Variants in CADM1 observed in about 807,000 individuals in gnomAD.
The protein encoded by CADM1 is cell adhesion molecule 1, also known as TSLC-1.
In CADM1, 15 loss-of-function variants were observed where a neutral mutation model predicts 53.1. The observed-to-expected ratio is 0.28, with a 90% CI of 0.19 to 0.44. The LOEUF is 0.44. Among genes scored for constraint, CADM1 ranks in the 20% least tolerant of loss-of-function variants. CADM1 has a pLI of 1.00. For synonymous variants in CADM1, 281 were observed against 243.0 expected (o/e 1.16, Z -1.45); for missense variants, 434 against 611.3 (o/e 0.71, Z 3.06).
intron 1 of CADM1, among the ~76,000 whole-genome samples, chr11:115,300,732 G>A (rs982286913): frequency 3.9e-5 from 6 of 152,016 alleles, no homozygotes; most frequent in African/African-American, 1.4e-4. Flanking sequence ...ACAAGAAAAC[G>A]AGCACATGGA....
chr11:115,366,592 A>T (rs1439987181), intron 1 of CADM1, among the ~76,000 whole-genome samples: 1 of 152,226 alleles, frequency 6.6e-6, no homozygotes, highest in East Asian at 1.9e-4. Context: ...TTTTGTTTCC[A>T]AATCTGTGTG....
At chr11:115,201,312 C>T (rs1940417189) in intron 8 of CADM1, among the ~76,000 whole-genome samples, 1 of 152,102 alleles carries the variant, frequency 6.6e-6, no homozygotes, top group South Asian at 2.1e-4. Context: ...TGGTATGCTA[C>T]TTGAACAGAG....
chr11:115,355,118 C>CA (rs1199028817), intron 1 of CADM1, among the ~76,000 whole-genome samples: 1 of 152,128 alleles, frequency 6.6e-6, no homozygotes, highest in Non-Finnish European at 1.5e-5. Context: ...GGAAATCATT[C>CA]AAAAGTCATC....
intron 1 of CADM1, among the ~76,000 whole-genome samples, chr11:115,295,966 T>A (rs1245746320): frequency 2.6e-5 from 4 of 152,186 alleles, no homozygotes; most frequent in Admixed American, 6.5e-5. Flanking sequence ...ATATATTTTT[T>A]AAGAAACAGG....
At chr11:115,496,830 C>G (rs1949628534) in intron 1 of CADM1, among the ~76,000 whole-genome samples, 1 of 152,104 alleles carries the variant, frequency 6.6e-6, no homozygotes, top group Non-Finnish European at 1.5e-5. Flanking sequence ...ATTTAGGGGC[C>G]TTGGAGACCA....
chr11:115,358,436 G>A (rs1162751749), intron 1 of CADM1, among the ~76,000 whole-genome samples: 1 of 152,066 alleles, frequency 6.6e-6, no homozygotes, highest in Non-Finnish European at 1.5e-5. Flanking sequence ...CTTGTGCAGG[G>A]AAACTCCTCT....
intron 9 of CADM1, among the ~76,000 whole-genome samples, chr11:115,192,646 G>A (rs1939936750): frequency 6.6e-6 from 1 of 152,162 alleles, no homozygotes; most frequent in African/African-American, 2.4e-5. Context: ...TCCTACATAT[G>A]TGCTTGGTGC....
chr11:115,262,612 T>C (rs1218761878), intron 1 of CADM1, among the ~76,000 whole-genome samples: 1 of 152,198 alleles, frequency 6.6e-6, no homozygotes, highest in African/African-American at 2.4e-5. Flanking sequence ...AACCAGGCAT[T>C]GCGTACCAAG....
chr11:115,344,200 C>G (rs1945519575), intron 1 of CADM1, among the ~76,000 whole-genome samples: 1 of 152,050 alleles, frequency 6.6e-6, no homozygotes. Flanking sequence ...TTACCCCCGC[C>G]CTCTCTGGTT....
intron 1 of CADM1, among the ~76,000 whole-genome samples, chr11:115,315,180 A>C (rs1459514613): frequency 6.6e-6 from 1 of 152,172 alleles, no homozygotes; most frequent in Admixed American, 6.6e-5. Flanking sequence ...AAGAAAAAGG[A>C]GGGAGGAAGA....
intron 1 of CADM1, among the ~76,000 whole-genome samples, chr11:115,281,122 T>C (rs767175294): frequency 1.4e-4 from 22 of 152,238 alleles, no homozygotes; most frequent in Non-Finnish European, 2.6e-4. Context: ...TCTTTCATTA[T>C]GGAAAAGGGC....
At chr11:115,480,512 C>T (rs2135408473) in intron 1 of CADM1, among the ~76,000 whole-genome samples, 1 of 152,238 alleles carries the variant, frequency 6.6e-6, no homozygotes, top group Non-Finnish European at 1.5e-5. Context: ...TCTAAATTTC[C>T]ATGATACATT....
chr11:115,304,754 C>T (rs1944320311), intron 1 of CADM1, among the ~76,000 whole-genome samples: 1 of 151,834 alleles, frequency 6.6e-6, no homozygotes, highest in African/African-American at 2.4e-5. Context: ...AATAACATAA[C>T]AAATGTTAAA....
intron 1 of CADM1, among the ~76,000 whole-genome samples, chr11:115,460,272 T>G (rs1414713273): frequency 6.6e-6 from 1 of 152,182 alleles, no homozygotes; most frequent in Non-Finnish European, 1.5e-5. Flanking sequence ...ACGCAAACCT[T>G]TTCCCTTTGG....
chr11:115,232,645 T>C (rs969430180), intron 3 of CADM1, among the ~76,000 whole-genome samples: 1 of 152,180 alleles, frequency 6.6e-6, no homozygotes, highest in African/African-American at 2.4e-5. Flanking sequence ...TGTAGTGTGA[T>C]AGTGATAGTG....
chr11:115,331,233 T>C (rs1945121056), intron 1 of CADM1, among the ~76,000 whole-genome samples: 1 of 152,198 alleles, frequency 6.6e-6, no homozygotes, highest in Non-Finnish European at 1.5e-5. Context: ...CTCACTCTGC[T>C]ATATTCTTGG....
rs1938995210 is a variant in CADM1, at chr11:115,175,674, A to G, written c.*800T>C. 2 of 987,172 alleles carry G rather than the reference A, an allele frequency of 2.0e-6. No homozygotes were observed. The highest frequency in any genetic ancestry group is 2.4e-6 in the Non-Finnish European group (2 of 831,022). 61.2% of individuals were successfully genotyped at this position (987,172 alleles called of 1,614,324 possible). On this transcript the variant is annotated 3_prime_UTR_variant, in exon 12 of 12. Coordinates refer to ENST00000331581, the MANE Select transcript of CADM1 (RefSeq NM_001301043.2). ...TTTCTGGACAGCGTAGGGTATCTAT[A>G]CTGAGCCGTCTACAGATACAGAATT...
chr11:115,350,363 G>A (rs1329438443), intron 1 of CADM1, among the ~76,000 whole-genome samples: 1 of 152,186 alleles, frequency 6.6e-6, no homozygotes, highest in East Asian at 1.9e-4. Flanking sequence ...GGAAGTATGT[G>A]AAAATGGTTC....
chr11:115,403,117 T>C (rs189510321), intron 1 of CADM1, among the ~76,000 whole-genome samples: 2 of 152,286 alleles, frequency 1.3e-5, no homozygotes, highest in Admixed American at 1.3e-4. Flanking sequence ...ACAGGATAAA[T>C]GGGTATTATA....
Sources: allele counts gnomAD v4.1 joint callset (sites outside exome capture counted in the v4.1 genomes callset), GRCh38; gene constraint gnomAD v4.1.1; transcripts MANE v1.5; gene names NCBI Gene and HGNC (gene_info 2026-07-23, HGNC 2026-07-21).